CYFIP1: variants seen among roughly 807,000 people sequenced by gnomAD.
The protein encoded by CYFIP1 is cytoplasmic FMR1 interacting protein 1.
CYFIP1 carries 58 observed loss-of-function variants against 163.5 expected under a neutral mutation model. The observed-to-expected ratio is 0.35, with a 90% CI of 0.29 to 0.44. The LOEUF (loss-of-function observed/expected upper bound fraction) is 0.44. Among genes scored for constraint, CYFIP1 ranks in the 20% least tolerant of loss-of-function variants. CYFIP1 has a pLI of 1.00. For missense variants in CYFIP1, 1,338 were observed against 1,653.8 expected (o/e 0.81, Z 3.31); for synonymous variants, 663 against 660.7 (o/e 1.00, Z -0.05).
intron 10 of CYFIP1, 147 bp from the exon 11 acceptor site, chr15:22,932,487 A>G (rs142762486): frequency 5.7e-6 from 3 of 525,542 alleles, no homozygotes; most frequent in East Asian, 3.3e-5. Flanking sequence ...ACACAGAAGC[A>G]TATCCGAAGG....
intron 1 of CYFIP1, among the ~76,000 whole-genome samples, chr15:22,960,437 G>A (rs1158063545): frequency 2.0e-5 from 3 of 152,220 alleles, no homozygotes; most frequent in Non-Finnish European, 4.4e-5. Flanking sequence ...TAAGCAGGCG[G>A]TGCCACAGAA....
intron 1 of CYFIP1, among the ~76,000 whole-genome samples, chr15:22,979,694 G>C (rs975412980): frequency 6.6e-6 from 1 of 152,126 alleles, no homozygotes; most frequent in African/African-American, 2.4e-5. Flanking sequence ...TCAGATGCTT[G>C]TGCGAAACAG....
chr15:22,966,287 C>T lies in CYFIP1; in HGVS notation c.-7+14000G>A, dbSNP rs555335621. Among the ~76,000 whole-genome samples, 3 of 151,628 alleles carry T rather than the reference C, an allele frequency of 2.0e-5. No homozygotes were observed. In the South Asian group the frequency reaches 6.3e-4, roughly 32 times the overall value. On this transcript the variant is annotated intron_variant, in intron 1 of 30. Coordinates refer to ENST00000617928, the MANE Select transcript of CYFIP1 (RefSeq NM_014608.6). ...ACTCAGAAGGCTGAGGCAGGAGAAT[C>T]GCTCGAACCCGGGAGGCAGAGGTTG...
At chr15:22,954,125 A>AG (rs2062358138) in intron 1 of CYFIP1, among the ~76,000 whole-genome samples, 1 of 152,154 alleles carries the variant, frequency 6.6e-6, no homozygotes, top group Non-Finnish European at 1.5e-5. Context: ...TCGTGTGGAC[A>AG]GGTACATTGA....
chr15:22,929,448 A>G (rs796491823), intron 11 of CYFIP1, among the ~76,000 whole-genome samples: 45 of 152,088 alleles, frequency 3.0e-4, no homozygotes, highest in African/African-American at 9.9e-4. Flanking sequence ...CCTGGCCAAC[A>G]TGGTGAAACC....
At chr15:22,953,812 T>C (rs2062343148) in intron 1 of CYFIP1, among the ~76,000 whole-genome samples, 1 of 152,140 alleles carries the variant, frequency 6.6e-6, no homozygotes, top group Non-Finnish European at 1.5e-5. Flanking sequence ...TCCCAGCACT[T>C]TGGGAGGCCG....
intron 17 of CYFIP1, among the ~76,000 whole-genome samples, chr15:22,913,824 G>C (rs1390446257): frequency 6.6e-6 from 1 of 152,122 alleles, no homozygotes; most frequent in Non-Finnish European, 1.5e-5. Context: ...CGAGCCATCA[G>C]AGGCTCTGCC....
chr15:22,877,456 G>A (rs541505341), intron 26 of CYFIP1, among the ~76,000 whole-genome samples: 116 of 152,250 alleles, frequency 7.6e-4, no homozygotes, highest in South Asian at 1.7e-3. Flanking sequence ...GATAGGGCGC[G>A]CCTTATGCTG....
At chr15:22,886,784 G>A (rs1430506312) in intron 23 of CYFIP1, among the ~76,000 whole-genome samples, 6 of 152,254 alleles carry the variant, frequency 3.9e-5, no homozygotes, top group East Asian at 3.9e-4. Context: ...ACCTACACAC[G>A]TCAGTTAGAT....
chr15:22,979,154 T>C (rs1048060508), intron 1 of CYFIP1, among the ~76,000 whole-genome samples: 1 of 152,046 alleles, frequency 6.6e-6, no homozygotes, highest in African/African-American at 2.4e-5. Context: ...GCCCTACGAG[T>C]GCACACCTGC....
At chr15:22,949,228 C>G (rs552786417) in intron 1 of CYFIP1, among the ~76,000 whole-genome samples, 15 of 151,532 alleles carry the variant, frequency 9.9e-5, no homozygotes, top group African/African-American at 2.9e-4. Context: ...GGATTCCCCC[C>G]GGGGACCAGG....
chr15:22,891,939 G>C (rs1295042001), intron 23 of CYFIP1, among the ~76,000 whole-genome samples: 1 of 152,220 alleles, frequency 6.6e-6, no homozygotes, highest in Non-Finnish European at 1.5e-5. Flanking sequence ...CCCAGCTCCA[G>C]GCATTGGGCA....
rs2060697436 is a variant in CYFIP1, at chr15:22,909,201, G to A, written c.2381C>T (p.Ser794Phe). 6.2e-7 allele frequency: 1 copy of A among 1,614,042 alleles called. No individual in the cohort carries two copies. The highest frequency in any genetic ancestry group is 8.5e-7 in the Non-Finnish European group (1 of 1,179,956). ...CAAAGTGAAATTACTTACAACTATG[G>A]AGGTCAAATCTTCACTTTCAAATCG... ...IGRFESEDLT[S>F]IVELDGLLEI... The change falls in exon 21 of 31, where the codon TCC (serine) becomes TTC (phenylalanine). Residue 794 changes from serine (S) to phenylalanine (F), a missense_variant. Physicochemically the swap from Ser to Phe is radical, Grantham distance 155 (BLOSUM62 -2). Coordinates refer to ENST00000617928, the MANE Select transcript of CYFIP1 (RefSeq NM_014608.6).
At chr15:22,900,794 A>G (rs1490060893) in intron 22 of CYFIP1, among the ~76,000 whole-genome samples, 4 of 151,720 alleles carry the variant, frequency 2.6e-5, no homozygotes. Flanking sequence ...AACCGCACCC[A>G]CCCCAGCCTC....
Position 22,928,039 on chromosome 15 carries a change from C to T in CYFIP1, c.1111-11G>A, listed in dbSNP as rs1283727391. The T allele has an allele frequency of 8.6e-6, 13 of 1,515,284 alleles. No homozygotes were observed. The highest frequency in any genetic ancestry group is 7.4e-5 in the Admixed American group (3 of 40,282). The allele number at this position is 1,515,284 out of a possible 1,614,324, so 93.9% of individuals were successfully genotyped here. A position where few individuals can be genotyped will look rare whatever the true frequency, so the allele number is the denominator to read the frequency against. ...CGAGCCCGTGACCACCTGCACAAGGCGGGCACGGCCCCGTGAGAAACCAGC... is the reference window on the plus strand; with the variant it reads ...CGAGCCCGTGACCACCTGCACAAGGTGGGCACGGCCCCGTGAGAAACCAGC... On this transcript the variant is annotated splice_polypyrimidine_tract_variant and intron_variant, in intron 11 of 30. Transcript: ENST00000617928.
chr15:22,932,260 C>T lies in CYFIP1; in HGVS notation c.1073G>A (p.Arg358His), dbSNP rs374109407. 4.3e-6 allele frequency: 7 copies of T among 1,612,970 alleles called. No homozygotes were observed. The highest frequency in any genetic ancestry group is 1.1e-5 in the South Asian group (1 of 90,888). ...QMIQIREDHMRFISELARYSN... is the reference protein window; with the variant it reads ...QMIQIREDHMHFISELARYSN... The stretch of plus-strand genomic sequence containing the variant: ...GTAGCGCGCCAGCTCCGAAATGAAG[C>T]GCATGTGGTCCTCGCGGATCTGGAT... Residue 358 changes from arginine (R) to histidine (H), a missense_variant, in exon 11 of 31, where the codon CGC (arginine) becomes CAC (histidine). Around this residue, in one of 4 missense-constraint regions of CYFIP1, gnomAD observed 824 missense variants for 995.7 expected, o/e 0.83. Coordinates refer to ENST00000617928, the MANE Select transcript of CYFIP1 (RefSeq NM_014608.6).
Position 22,880,015 on chromosome 15 carries a change from C to G in CYFIP1, c.2940G>C (p.Leu980=). The change falls in exon 26 of 31, where the codon CTG becomes CTC. Residue 980 remains leucine (L), a synonymous_variant. Transcript: ENST00000617928. ...GCTCTGCGTACTCCACGATGTCCTT[C>G]AGCTGGTGGTGGAAGAACTCCAGGA... ...PGILEFFHHQ[L]KDIVEYAELK... is the part of the protein sequence containing the mutation. 1 of 1,613,932 alleles carries G rather than the reference C, an allele frequency of 6.2e-7. No homozygotes were observed. The highest frequency in any genetic ancestry group is 8.5e-7 in the Non-Finnish European group (1 of 1,179,990).
At position 22,873,569 on chromosome 15, in the gene CYFIP1, C is replaced by T; in HGVS notation, c.3371G>A (p.Cys1124Tyr). 2 of 1,614,250 alleles carry T rather than the reference C, an allele frequency of 1.2e-6. No individual in the cohort carries two copies. The highest frequency in any genetic ancestry group is 1.7e-6 in the Non-Finnish European group (2 of 1,180,046). The change falls in exon 29 of 31, where the codon TGT (cysteine) becomes TAT (tyrosine). Residue 1124 changes from cysteine to tyrosine, a missense_variant. Cys to Tyr is a radical substitution (Grantham distance 194). Around this residue, in one of 4 missense-constraint regions of CYFIP1, gnomAD observed 306 missense variants for 322.1 expected, o/e 0.95. Transcript: ENST00000617928. ...ACTCCACAGTCTGTGAAACTCCACA[C>T]ACTCGTCCACATGCATGACCCCATT... The part of the protein sequence containing the change: ...PSNGVMHVDE[C>Y]VEFHRLWSAM...
intron 21 of CYFIP1, among the ~76,000 whole-genome samples, chr15:22,906,597 C>T (rs913794587): frequency 6.6e-6 from 1 of 151,826 alleles, no homozygotes; most frequent in African/African-American, 2.4e-5. Flanking sequence ...TCCTGAGTAG[C>T]TGGGACTACA....
Sources: gnomAD v4.1 joint callset for allele counts (sites outside exome capture counted in the v4.1 genomes callset) on GRCh38, gnomAD v4.1.1 for gene constraint, gnomAD v4.1.1 regional missense constraint, MANE v1.5 for transcripts, NCBI Gene and HGNC (gene_info 2026-07-23, HGNC 2026-07-21) for gene names.